CCDC192: variants seen among roughly 807,000 people sequenced by gnomAD.
CCDC192 encodes coiled-coil domain containing 192, also known as coiled-coil domain-containing protein 192.
At chr5:127,878,997 GCTCT>G (rs1436758252) in intron 6 of CCDC192, among the ~76,000 whole-genome samples, 11 of 147,670 alleles carry the variant, frequency 7.4e-5, no homozygotes, top group Non-Finnish European at 1.3e-4. Flanking sequence ...TCATGATTTG[GCTCT>G]CTGTTTGTCT....
At chr5:127,934,135 C>A (rs984028846) in intron 6 of CCDC192, among the ~76,000 whole-genome samples, 9 of 152,156 alleles carry the variant, frequency 5.9e-5, no homozygotes, top group African/African-American at 2.2e-4. Flanking sequence ...AGGAGCACTA[C>A]CCCATGTCAT....
chr5:127,753,028 G>A (rs1271961553), intron 2 of CCDC192, among the ~76,000 whole-genome samples: 1 of 152,216 alleles, frequency 6.6e-6, no homozygotes, highest in Non-Finnish European at 1.5e-5. Context: ...TCCCTAGTGA[G>A]ATGAACCCGG....
At chr5:127,738,965 C>A (rs1278186062) in intron 2 of CCDC192, among the ~76,000 whole-genome samples, 2 of 151,896 alleles carry the variant, frequency 1.3e-5, no homozygotes, top group Non-Finnish European at 1.5e-5. Flanking sequence ...TGTTCCGTTG[C>A]TGGTGAGGAA....
intron 6 of CCDC192, among the ~76,000 whole-genome samples, chr5:127,939,110 C>CTTTTTTTTTT (rs59545987): frequency 7.2e-5 from 6 of 83,620 alleles, no homozygotes; most frequent in African/African-American, 1.3e-4. Flanking sequence ...AAACCAACAT[C>CTTTTTTTTTT]TTTTTTTTTT....
At chr5:127,841,508 T>C (rs976314024) in intron 5 of CCDC192, among the ~76,000 whole-genome samples, 2 of 152,192 alleles carry the variant, frequency 1.3e-5, no homozygotes, top group African/African-American at 4.8e-5. Context: ...TAGAACACAA[T>C]CTTTCAAGTT....
chr5:127,882,872 C>T (rs1580791648), intron 6 of CCDC192, among the ~76,000 whole-genome samples: 2 of 152,208 alleles, frequency 1.3e-5, no homozygotes, highest in South Asian at 2.1e-4. Flanking sequence ...TTTCTCCCAG[C>T]CTAGCTCTTT....
chr5:127,708,542 A>G (rs996255736), intron 2 of CCDC192, among the ~76,000 whole-genome samples: 7 of 152,152 alleles, frequency 4.6e-5, no homozygotes, highest in Non-Finnish European at 1.0e-4. Context: ...TTTCAGCTCT[A>G]ATATAGAGGC....
chr5:127,868,906 C>A (rs139249006), intron 5 of CCDC192, among the ~76,000 whole-genome samples: 1 of 152,080 alleles, frequency 6.6e-6, no homozygotes, highest in East Asian at 1.9e-4. Context: ...GGAGATAGAC[C>A]GCAGAGATTT....
intron 5 of CCDC192, among the ~76,000 whole-genome samples, chr5:127,819,150 C>T (rs1262202038): frequency 6.6e-6 from 1 of 152,126 alleles, no homozygotes; most frequent in African/African-American, 2.4e-5. Context: ...AAACCCATGG[C>T]TCCAGATAAA....
intron 2 of CCDC192, among the ~76,000 whole-genome samples, chr5:127,719,444 TATATATACATAC>T (rs1286382767): frequency 1.7e-5 from 2 of 119,988 alleles, no homozygotes; most frequent in South Asian, 4.9e-4. Flanking sequence ...CACACATACA[TATATATACATAC>T]ATATATATAC....
chr5:127,938,437 A>G (rs901431995), intron 6 of CCDC192, among the ~76,000 whole-genome samples: 2 of 152,192 alleles, frequency 1.3e-5, no homozygotes, highest in African/African-American at 4.8e-5. Context: ...GTGCAGGTTA[A>G]CTAGAGCCAT....
intron 5 of CCDC192, among the ~76,000 whole-genome samples, chr5:127,857,132 A>G (rs1751136056): frequency 6.6e-6 from 1 of 152,196 alleles, no homozygotes; most frequent in African/African-American, 2.4e-5. Context: ...AAATAATTCA[A>G]CATTCTTCAA....
chr5:127,741,560 T>A (rs970860162), intron 2 of CCDC192, among the ~76,000 whole-genome samples: 3 of 152,146 alleles, frequency 2.0e-5, no homozygotes, highest in African/African-American at 7.2e-5. Context: ...ATAAGAGAAT[T>A]CACAGATGTT....
intron 5 of CCDC192, among the ~76,000 whole-genome samples, chr5:127,864,367 C>T (rs919216347): frequency 3.3e-5 from 5 of 152,170 alleles, no homozygotes; most frequent in Non-Finnish European, 5.9e-5. Flanking sequence ...TCCCTACCTG[C>T]TATCCGTGCA....
At chr5:127,737,929 C>T (rs1753122124) in intron 2 of CCDC192, among the ~76,000 whole-genome samples, 1 of 151,420 alleles carries the variant, frequency 6.6e-6, no homozygotes, top group Non-Finnish European at 1.5e-5. Flanking sequence ...AGTCCATTTA[C>T]ATTTAAAGTT....
chr5:127,895,159 T>A (rs1374527692), intron 6 of CCDC192, among the ~76,000 whole-genome samples: 1 of 152,156 alleles, frequency 6.6e-6, no homozygotes, highest in African/African-American at 2.4e-5. Context: ...CCCCACCACC[T>A]TCTTCTAACA....
intron 5 of CCDC192, among the ~76,000 whole-genome samples, chr5:127,834,581 A>G (rs1373615848): frequency 1.3e-5 from 2 of 152,224 alleles, no homozygotes; most frequent in African/African-American, 4.8e-5. Flanking sequence ...ATAGTATTAC[A>G]TGCGATATTC....
At chr5:127,735,518 C>A (rs1400009234) in intron 2 of CCDC192, among the ~76,000 whole-genome samples, 3 of 89,624 alleles carry the variant, frequency 3.3e-5, no homozygotes, top group African/African-American at 4.7e-5. Context: ...TTACCTTGGG[C>A]AGTATGGTCA....
At chr5:127,738,474 G>A (rs1460370460) in intron 2 of CCDC192, among the ~76,000 whole-genome samples, 13 of 144,114 alleles carry the variant, frequency 9.0e-5, no homozygotes, top group Non-Finnish European at 1.7e-4. Flanking sequence ...CTGAATGTTG[G>A]CCTGCCTTGC....
Sources: gnomAD v4.1 joint callset for allele counts (sites outside exome capture counted in the v4.1 genomes callset) on GRCh38, gnomAD v4.1.1 for gene constraint, MANE v1.5 for transcripts, NCBI Gene and HGNC (gene_info 2026-07-23, HGNC 2026-07-21) for gene names.